The following EXT1 variants were observed in gnomAD, a reference collection of about 807,000 sequenced individuals.
EXT1 encodes the protein exostosin-1.
In EXT1, 20 loss-of-function variants were observed where a neutral mutation model predicts 82.5. The observed-to-expected ratio is 0.24, with a 90% CI of 0.17 to 0.35. The LOEUF (loss-of-function observed/expected upper bound fraction) is 0.35, where lower values mean the gene tolerates loss of function less well. EXT1 is among the 10% of genes least tolerant of loss of function. The pLI is 1.00. For synonymous variants in EXT1, 348 were observed against 350.8 expected (o/e 0.99, Z 0.09); for missense variants, 757 against 936.5 (o/e 0.81, Z 2.50).
chr8:118,096,654 GGA>G (rs1817620494), intron 1 of EXT1, among the ~76,000 whole-genome samples: 1 of 106,432 alleles, frequency 9.4e-6, no homozygotes, highest in Admixed American at 9.9e-5. Context: ...AAGGAAGGAA[GGA>G]AGGAAGGAAG....
chr8:117,953,890 A>C (rs1657921807), intron 1 of EXT1, among the ~76,000 whole-genome samples: 2 of 152,038 alleles, frequency 1.3e-5, no homozygotes, highest in African/African-American at 2.4e-5. Flanking sequence ...AGCCTGGGGG[A>C]CAGAGCAAGA....
intron 1 of EXT1, among the ~76,000 whole-genome samples, chr8:118,003,218 A>C (rs1438139127): frequency 6.6e-6 from 1 of 152,154 alleles, no homozygotes; most frequent in Admixed American, 6.5e-5. Flanking sequence ...GCAACGGCAT[A>C]AGAATGAGAA....
intron 1 of EXT1, among the ~76,000 whole-genome samples, chr8:117,983,620 C>T (rs749757737): frequency 2.6e-5 from 4 of 152,110 alleles, no homozygotes; most frequent in African/African-American, 7.2e-5. Context: ...ACAACAACAA[C>T]AAAATAGAGG....
chr8:117,851,437 C>T (rs1336569219), intron 1 of EXT1, among the ~76,000 whole-genome samples: 1 of 150,256 alleles, frequency 6.7e-6, no homozygotes, highest in Non-Finnish European at 1.5e-5. Context: ...TTCAACGGAG[C>T]CCAGTTTCCA....
At chr8:117,871,034 A>C (rs1393103653) in intron 1 of EXT1, among the ~76,000 whole-genome samples, 1 of 152,132 alleles carries the variant, frequency 6.6e-6, no homozygotes, top group Non-Finnish European at 1.5e-5. Context: ...AAATGTAAAA[A>C]GGGCTGATCT....
intron 1 of EXT1, among the ~76,000 whole-genome samples, chr8:117,850,187 A>G (rs998669355): frequency 6.6e-6 from 1 of 152,232 alleles, no homozygotes; most frequent in Non-Finnish European, 1.5e-5. Flanking sequence ...CCATTAAGGT[A>G]TCTTGGCTTT....
At chr8:117,835,024 A>AT (rs1020083996) in intron 3 of EXT1, among the ~76,000 whole-genome samples, 101 of 152,348 alleles carry the variant, frequency 6.6e-4, no homozygotes, top group African/African-American at 2.3e-3. Context: ...TTGAGGAACG[A>AT]TAACACTAAT....
chr8:118,097,239 A>C (rs567432704), intron 1 of EXT1, among the ~76,000 whole-genome samples: 1 of 152,306 alleles, frequency 6.6e-6, no homozygotes, highest in South Asian at 2.1e-4. Flanking sequence ...TGAGGTCAGG[A>C]GTTCAAGATC....
At chr8:117,989,933 C>T (rs1458028538) in intron 1 of EXT1, among the ~76,000 whole-genome samples, 3 of 152,176 alleles carry the variant, frequency 2.0e-5, no homozygotes, top group Non-Finnish European at 4.4e-5. Context: ...CAGTGGCTCA[C>T]GCCTATAATT....
chr8:118,016,475 G>A (rs946969547), intron 1 of EXT1, among the ~76,000 whole-genome samples: 4 of 152,182 alleles, frequency 2.6e-5, no homozygotes, highest in African/African-American at 9.7e-5. Context: ...GCAGTAGGAC[G>A]GGGCCAGAGG....
intron 1 of EXT1, among the ~76,000 whole-genome samples, chr8:118,055,301 G>A (rs1323694940): frequency 6.6e-6 from 1 of 152,152 alleles, no homozygotes; most frequent in Non-Finnish European, 1.5e-5. Flanking sequence ...ATCCATGTCA[G>A]CATGTATCAA....
At chr8:118,030,419 T>C (rs1816288674) in intron 1 of EXT1, among the ~76,000 whole-genome samples, 1 of 152,220 alleles carries the variant, frequency 6.6e-6, no homozygotes. Context: ...TGTATGCTTT[T>C]ATCAGGAATA....
At chr8:117,846,500 A>G (rs4322034) in intron 1 of EXT1, among the ~76,000 whole-genome samples, 145,349 of 152,212 alleles carry the variant, frequency 0.95, 69,624 homozygotes, top group Non-Finnish European at 1. Context: ...TCTCTGGTTC[A>G]AAACAAAACG....
chr8:118,048,068 T>C (rs1444692147), intron 1 of EXT1, among the ~76,000 whole-genome samples: 1 of 151,200 alleles, frequency 6.6e-6, no homozygotes, highest in Non-Finnish European at 1.5e-5. Context: ...CTAGGTTTGC[T>C]CCCTGGAAGC....
chr8:117,819,819 C>T, intron 5 of EXT1, 25 bp from the exon 6 acceptor site: 1 of 1,599,452 alleles, frequency 6.3e-7, no homozygotes, highest in Non-Finnish European at 8.6e-7. Context: ...AGAGTAGAGC[C>T]TAATGAAGCG....
At chr8:117,825,320 T>C (rs899629808) in intron 4 of EXT1, among the ~76,000 whole-genome samples, 3 of 151,450 alleles carry the variant, frequency 2.0e-5, no homozygotes, top group Non-Finnish European at 3.0e-5. Context: ...TATAGAAAGA[T>C]CATTTTTTTC....
At chr8:118,074,223 T>G (rs1817161975) in intron 1 of EXT1, among the ~76,000 whole-genome samples, 1 of 152,110 alleles carries the variant, frequency 6.6e-6, no homozygotes, top group African/African-American at 2.4e-5. Context: ...TTTTCTGAGA[T>G]CACCACCACA....
rs754045924 is a variant in EXT1, at chr8:118,110,058, C to T, written c.962+27G>A. On this transcript the variant is annotated intron_variant, in intron 1 of 10. Coordinates refer to ENST00000378204, the MANE Select transcript of EXT1 (RefSeq NM_000127.3). ...GCCGGCAGAGCCCAAGGCTGACTCC[C>T]AAAGACACGCCAGCCCAGACACTTA... is the stretch of plus-strand genomic sequence containing the variant. 2.5e-6 allele frequency: 4 copies of T among 1,613,052 alleles called. No individual in the cohort carries two copies. In the East Asian group the frequency reaches 6.7e-5, roughly 27 times the overall value.
Position 118,073,632 on chromosome 8 carries a change from A to AAGAAGAGAAGAGAAGAGAAGAGAAG in EXT1, c.962+36428_962+36452dup, listed in dbSNP as rs200527277. The stretch of plus-strand genomic sequence containing the variant: ...GAGGAAAGGAAGAGAAGAGAAGAGA[A>AAGAAGAGAAGAGAAGAGAAGAGAAG]AGAAGAGAAGAGAAGAGAAGAGAAG... On this transcript the variant is annotated intron_variant, in intron 1 of 10. Coordinates refer to ENST00000378204, the MANE Select transcript of EXT1 (RefSeq NM_000127.3). Among the ~76,000 whole-genome samples the AAGAAGAGAAGAGAAGAGAAGAGAAG allele has an allele frequency of 5.6e-3, 505 of 89,506 alleles. 5 individuals are homozygous for AAGAAGAGAAGAGAAGAGAAGAGAAG. The highest frequency in any genetic ancestry group is 0.016 in the Middle Eastern group (3 of 184). 58.7% of individuals were successfully genotyped at this position (89,506 alleles called of 152,430 possible). A position where few individuals can be genotyped will look rare whatever the true frequency, so the allele number is the denominator to read the frequency against.
Sources: allele counts gnomAD v4.1 joint callset (sites outside exome capture counted in the v4.1 genomes callset), GRCh38; gene constraint gnomAD v4.1.1; transcripts MANE v1.5; gene names NCBI Gene and HGNC (gene_info 2026-07-23, HGNC 2026-07-21).